The following CARNMT1 variants were observed in gnomAD, a reference collection of about 807,000 sequenced individuals.
CARNMT1 encodes the protein protein-L-histidine N-pros-methyltransferase CARNMT1.
CARNMT1 carries 28 observed loss-of-function variants against 49.6 expected under a neutral mutation model. The ratio of observed to expected loss-of-function variants is 0.56; its 90% CI spans 0.42 to 0.77. The LOEUF is 0.77. Among genes scored for constraint, CARNMT1 ranks in the 30% least tolerant of loss-of-function variants. The pLI, the probability that CARNMT1 is intolerant of heterozygous loss-of-function variation, is 0.00. For synonymous variants in CARNMT1, 178 were observed against 175.0 expected, an observed-to-expected ratio of 1.02 and a Z score of -0.13; for missense variants, 421 against 512.6, an observed-to-expected ratio of 0.82 and a Z score of 1.73.
At chr9:75,005,063 T>G (rs746145188) in intron 3 of CARNMT1, among the ~76,000 whole-genome samples, 1 of 151,828 alleles carries the variant, frequency 6.6e-6, no homozygotes, top group Admixed American at 6.6e-5. Context: ...CTTGGAAAAA[T>G]TTTTTTTTAA....
At chr9:74,988,675 C>A (rs746563940) in intron 6 of CARNMT1, among the ~76,000 whole-genome samples, 1 of 152,132 alleles carries the variant, frequency 6.6e-6, no homozygotes, top group African/African-American at 2.4e-5. Context: ...AATTATGTAA[C>A]AGGACAGATG....
chr9:75,005,990 C>T (rs931709203), intron 3 of CARNMT1, among the ~76,000 whole-genome samples: 2 of 152,030 alleles, frequency 1.3e-5, no homozygotes, highest in Non-Finnish European at 2.9e-5. Context: ...CTGAAAGACA[C>T]AAAGTTGACC....
chr9:75,002,982 C>T (rs530742595), intron 3 of CARNMT1, among the ~76,000 whole-genome samples: 10 of 152,126 alleles, frequency 6.6e-5, no homozygotes, highest in Non-Finnish European at 1.3e-4. Context: ...AAGTAACCTA[C>T]CCACCTTGGC....
chr9:75,005,873 CAA>C (rs1833496072), intron 3 of CARNMT1, among the ~76,000 whole-genome samples: 1 of 132,232 alleles, frequency 7.6e-6, no homozygotes, highest in African/African-American at 3.0e-5. Context: ...CACACACACA[CAA>C]TAAAAGGCTA....
At chr9:75,028,338 G>T (rs1822594651), upstream of CARNMT1, 2 of 1,310,012 alleles carry the variant, frequency 1.5e-6, no homozygotes, top group Admixed American at 8.5e-5. Flanking sequence ...GCCCGCCGCG[G>T]ACATGCCCCC....
intron 6 of CARNMT1, among the ~76,000 whole-genome samples, chr9:74,994,257 G>C (rs1833121492): frequency 6.6e-6 from 1 of 152,206 alleles, no homozygotes; most frequent in African/African-American, 2.4e-5. Context: ...CCAGTCATCA[G>C]AACTGTGAGA....
At chr9:75,026,120 T>C (rs116878599) in intron 1 of CARNMT1, among the ~76,000 whole-genome samples, 6,617 of 152,286 alleles carry the variant, frequency 0.043, 213 homozygotes, top group South Asian at 0.069. Flanking sequence ...TTGAAGTGTT[T>C]CAAGAGAGTA....
At chr9:75,024,029 A>T (rs1306355423) in intron 1 of CARNMT1, among the ~76,000 whole-genome samples, 1 of 152,138 alleles carries the variant, frequency 6.6e-6, no homozygotes, top group Admixed American at 6.6e-5. Flanking sequence ...CTCTACCTCT[A>T]ACTCTCTCTA....
chr9:75,007,256 A>G (rs1012568227), intron 3 of CARNMT1, among the ~76,000 whole-genome samples: 1 of 152,224 alleles, frequency 6.6e-6, no homozygotes, highest in Non-Finnish European at 1.5e-5. Context: ...TATTTAAACA[A>G]TTATTTACCA....
chr9:74,980,883 G>A lies in CARNMT1; in HGVS notation c.*2884C>T, dbSNP rs1016332685. ...TATAAGGCCTGGCATATTATAAGGC[G>A]AAGTATTCATGTTACTGACTTCTTA... On this transcript the variant is annotated 3_prime_UTR_variant, in exon 8 of 8. Transcript: ENST00000376834. 3 of 152,058 alleles carry A rather than the reference G, an allele frequency of 2.0e-5. No individual in the cohort carries two copies. Among genetic ancestry groups the A allele is most frequent in the East Asian group, 1.9e-4 (1 of 5,192 alleles). The allele number at this position is 152,058 out of a possible 1,614,324, so 9.4% of individuals were successfully genotyped here.
At chr9:74,990,480 G>A (rs187866686) in intron 6 of CARNMT1, among the ~76,000 whole-genome samples, 50 of 152,256 alleles carry the variant, frequency 3.3e-4, no homozygotes, top group Admixed American at 2.1e-3. Context: ...ATGTTTGTGT[G>A]TATGTATGTG....
chr9:74,990,350 AC>A (rs754067346), intron 6 of CARNMT1, among the ~76,000 whole-genome samples: 1 of 152,196 alleles, frequency 6.6e-6, no homozygotes, highest in Non-Finnish European at 1.5e-5. Flanking sequence ...AAAGACGGAA[AC>A]TAGAGGCCAC....
At chr9:75,009,293 T>C (rs1833614956) in intron 3 of CARNMT1, among the ~76,000 whole-genome samples, 2 of 152,114 alleles carry the variant, frequency 1.3e-5, no homozygotes, top group Admixed American at 6.6e-5. Flanking sequence ...TGGCTATTAC[T>C]AGAGGTGCAA....
intron 1 of CARNMT1, among the ~76,000 whole-genome samples, chr9:75,024,009 ATGG>A (rs1032008272): frequency 1.3e-5 from 2 of 152,120 alleles, no homozygotes; most frequent in Non-Finnish European, 2.9e-5. Context: ...TTTTTCCCCA[ATGG>A]TGGTATCTCT....
intron 5 of CARNMT1, among the ~76,000 whole-genome samples, chr9:74,998,257 T>C (rs1180503778): frequency 1.3e-5 from 2 of 152,244 alleles, no homozygotes; most frequent in Non-Finnish European, 2.9e-5. Flanking sequence ...AATGCTATTC[T>C]CTCAACCTTC....
At chr9:75,016,989 A>C (rs2118857175) in intron 2 of CARNMT1, 1 of 437,226 alleles carries the variant, frequency 2.3e-6, no homozygotes, top group South Asian at 7.2e-5. Context: ...TTAAGTCACT[A>C]ACCCTGTATT....
intron 6 of CARNMT1, among the ~76,000 whole-genome samples, chr9:74,990,523 GATGATTTTTACATACACGCATATAC>G (rs1832978853): frequency 6.6e-6 from 1 of 152,118 alleles, no homozygotes; most frequent in Non-Finnish European, 1.5e-5. Context: ...GCCCTCCTTT[GATGATTTTTACATACACGCATATAC>G]ATGATTTTTA....
chr9:75,028,078 T>A lies in CARNMT1; in HGVS notation c.164A>T (p.Glu55Val). Residue 55 changes from glutamate to valine, a missense_variant, in exon 1 of 8, where the codon GAG becomes GTG. This residue lies in a region of CARNMT1 where 186 missense variants were observed against 167.9 expected (regional missense o/e 1.11). Coordinates refer to ENST00000376834, the MANE Select transcript of CARNMT1 (RefSeq NM_152420.3). The part of the protein sequence containing the change: ...AAAAAATRST[E>V]EEEERLEREH... ...ACGCTCAAGCCTCTCCTCCTCCTCCTCGGTGCTGCGCGTGGCCGCCGCCGC... is the reference window on the plus strand; with the variant it reads ...ACGCTCAAGCCTCTCCTCCTCCTCCACGGTGCTGCGCGTGGCCGCCGCCGC... The A allele has an allele frequency of 6.4e-7, 1 of 1,570,408 alleles. No individual in the cohort carries two copies. The highest frequency in any genetic ancestry group is 8.6e-7 in the Non-Finnish European group (1 of 1,160,604).
At chr9:75,008,564 C>G (rs776661864) in intron 3 of CARNMT1, among the ~76,000 whole-genome samples, 1 of 152,116 alleles carries the variant, frequency 6.6e-6, no homozygotes, top group East Asian at 1.9e-4. Flanking sequence ...CCTCGGCCCC[C>G]CAAAGTGCTG....
Sources: gnomAD v4.1 joint callset for allele counts (sites outside exome capture counted in the v4.1 genomes callset) on GRCh38, gnomAD v4.1.1 for gene constraint, gnomAD v4.1.1 regional missense constraint, MANE v1.5 for transcripts, NCBI Gene and HGNC (gene_info 2026-07-23, HGNC 2026-07-21) for gene names.